RAD54B: variants seen among roughly 807,000 people sequenced by gnomAD.
RAD54B encodes DNA repair and recombination protein RAD54B.
RAD54B carries 78 observed loss-of-function variants against 95.8 expected under a neutral mutation model. The observed-to-expected ratio is 0.81, with a 90% CI of 0.68 to 0.98. The LOEUF (loss-of-function observed/expected upper bound fraction) is 0.98, where lower values mean the gene tolerates loss of function less well. Among genes scored for constraint, RAD54B ranks in the 50% least tolerant of loss-of-function variants. RAD54B has a pLI of 0.00. For missense variants in RAD54B, 957 were observed against 1,056.6 expected, an observed-to-expected ratio of 0.91 and a Z score of 1.31; for synonymous variants, 328 against 354.9, an observed-to-expected ratio of 0.92 and a Z score of 0.85.
At chr8:94,429,327 T>A in intron 3 of RAD54B, 1 of 497,170 alleles carries the variant, frequency 2.0e-6, no homozygotes, top group Non-Finnish European at 2.6e-6. Flanking sequence ...TGTATATACA[T>A]AATTTTTACC....
At chr8:94,387,214 G>C (rs1372239083) in intron 10 of RAD54B, 55 bp from the exon 11 acceptor site, 1 of 1,400,898 alleles carries the variant, frequency 7.1e-7, no homozygotes, top group Non-Finnish European at 9.6e-7. Context: ...TTAATTAGGA[G>C]GGGAAAATGC....
intron 3 of RAD54B, among the ~76,000 whole-genome samples, chr8:94,423,544 T>A (rs1332194267): frequency 6.6e-6 from 1 of 152,188 alleles, no homozygotes; most frequent in Non-Finnish European, 1.5e-5. Context: ...CCAAATGAAG[T>A]TTTACTGAGT....
intron 2 of RAD54B, among the ~76,000 whole-genome samples, chr8:94,461,002 T>C (rs1225095587): frequency 6.6e-6 from 1 of 151,988 alleles, no homozygotes; most frequent in Non-Finnish European, 1.5e-5. Context: ...CAGCAAAGTC[T>C]CTTTTGCCAT....
At chr8:94,467,601 A>T (rs573592195) in intron 1 of RAD54B, 46 bp from the exon 2 acceptor site, 1 of 1,535,754 alleles carries the variant, frequency 6.5e-7, no homozygotes, top group African/African-American at 1.4e-5. Flanking sequence ...TCTAATTACA[A>T]TCACCCCCAA....
At position 94,378,303 on chromosome 8, in the gene RAD54B, T is replaced by A; in HGVS notation, c.2392A>T (p.Thr798Ser). The A allele has an allele frequency of 6.2e-7, 1 of 1,614,026 alleles. No individual in the cohort carries two copies. The highest frequency in any genetic ancestry group is 8.5e-7 in the Non-Finnish European group (1 of 1,179,960). ...ACTGAAAACTGAATATGTTCAGATG[T>A]CTTGGTGAGGTCGACAACTGCCCCA... is the stretch of plus-strand genomic sequence containing the variant. ...LCGAVVDLTK[T>S]SEHIQFSVEE... is the part of the protein sequence containing the mutation. The change falls in exon 14 of 15, where the codon ACA (threonine) becomes TCA (serine). Residue 798 changes from threonine (T) to serine (S), a missense_variant. Physicochemically the swap from Thr to Ser is moderately conservative, Grantham distance 58. Coordinates refer to ENST00000336148, the MANE Select transcript of RAD54B (RefSeq NM_012415.3).
At chr8:94,409,984 TAC>T (rs1395620737) in intron 4 of RAD54B, among the ~76,000 whole-genome samples, 3 of 152,318 alleles carry the variant, frequency 2.0e-5, no homozygotes, top group African/African-American at 7.2e-5. Context: ...CCAATCACTA[TAC>T]ACAGTTGTTC....
Position 94,372,367 on chromosome 8 carries a change from T to A in RAD54B, c.2536A>T (p.Ile846Phe). ...CCAAGCTGACAATCTCTAGAGACAA[T>A]GAATTTTTCCAACGAATCACCTGTA... is the stretch of plus-strand genomic sequence containing the variant. ...VHTGDSLEKF[I>F]VSRDCQLGPH... Residue 846 changes from isoleucine (I) to phenylalanine (F), a missense_variant, in exon 15 of 15, where the codon ATT becomes TTT. Transcript: ENST00000336148. 1.9e-6 allele frequency: 3 copies of A among 1,612,952 alleles called. No homozygotes were observed. Among genetic ancestry groups the A allele is most frequent in the Non-Finnish European group, 2.5e-6 (3 of 1,179,748 alleles).
chr8:94,429,755 T>C, intron 3 of RAD54B: 2 of 983,786 alleles, frequency 2.0e-6, no homozygotes, highest in Non-Finnish European at 2.4e-6. Context: ...GACATCTTTA[T>C]AATTAAAGAA....
At chr8:94,456,683 TAC>T (rs1342023277) in intron 3 of RAD54B, among the ~76,000 whole-genome samples, 1 of 152,168 alleles carries the variant, frequency 6.6e-6, no homozygotes, top group Non-Finnish European at 1.5e-5. Flanking sequence ...AACTGGGACA[TAC>T]AGATTTGTAG....
At position 94,378,207 on chromosome 8, in the gene RAD54B, C is replaced by CA; in HGVS notation, c.2487dup (p.Glu830Ter). 6.2e-7 allele frequency: 1 copy of CA among 1,611,794 alleles called. No individual in the cohort carries two copies. Among genetic ancestry groups the CA allele is most frequent in the Non-Finnish European group, 8.5e-7 (1 of 1,179,258 alleles). ...GTATGAACTTCTTCTCCTGTACACT[C>CA]ACAGTCAAGCAGATCATGAGTAACA... On this transcript the variant is annotated frameshift_variant, in exon 14 of 15. Coordinates refer to ENST00000336148, the MANE Select transcript of RAD54B (RefSeq NM_012415.3). LOFTEE classifies it high-confidence loss of function.
At chr8:94,455,263 G>A (rs1422180760) in intron 3 of RAD54B, among the ~76,000 whole-genome samples, 1 of 152,100 alleles carries the variant, frequency 6.6e-6, no homozygotes, top group Non-Finnish European at 1.5e-5. Flanking sequence ...GCCTCTTTGT[G>A]GCTACTTGAC....
chr8:94,440,183 T>C (rs1033876727), intron 3 of RAD54B, among the ~76,000 whole-genome samples: 9 of 146,062 alleles, frequency 6.2e-5, no homozygotes, highest in African/African-American at 1.8e-4. Context: ...ACCCCTTAGA[T>C]AGGAATTTAG....
chr8:94,452,013 C>T (rs1812666167), intron 3 of RAD54B, among the ~76,000 whole-genome samples: 1 of 152,172 alleles, frequency 6.6e-6, no homozygotes, highest in Admixed American at 6.5e-5. Flanking sequence ...GCTGGGAAGT[C>T]CAAGATTAAG....
At chr8:94,431,848 C>T (rs903604065) in intron 3 of RAD54B, 1 of 1,072,724 alleles carries the variant, frequency 9.3e-7, no homozygotes, top group Non-Finnish European at 1.1e-6. Flanking sequence ...TTTGTATATG[C>T]ATTTGTGTAT....
intron 3 of RAD54B, among the ~76,000 whole-genome samples, chr8:94,450,771 G>A (rs1026278633): frequency 2.0e-5 from 3 of 152,018 alleles, no homozygotes; most frequent in East Asian, 1.9e-4. Context: ...TCCCAGCTAC[G>A]TGGGAGGCTG....
intron 6 of RAD54B, among the ~76,000 whole-genome samples, chr8:94,402,968 G>C (rs1047850278): frequency 2.6e-5 from 4 of 152,138 alleles, no homozygotes; most frequent in Non-Finnish European, 5.9e-5. Context: ...ATGTGAGAGA[G>C]AAGAAATCAA....
At chr8:94,436,705 G>A in intron 3 of RAD54B, 1 of 1,550,614 alleles carries the variant, frequency 6.4e-7, no homozygotes, top group Non-Finnish European at 8.7e-7. Flanking sequence ...TACTCCAATT[G>A]CATTATAGTT....
chr8:94,377,698 C>T (rs1474457221), intron 14 of RAD54B, among the ~76,000 whole-genome samples: 2 of 150,920 alleles, frequency 1.3e-5, no homozygotes, highest in Non-Finnish European at 3.0e-5. Context: ...TCTACTGGGC[C>T]GGGCGCGGTG....
In RAD54B at chr8:94,407,489, C is replaced by A; in HGVS notation, c.731G>T (p.Arg244Ile). The A allele has an allele frequency of 6.2e-7, 1 of 1,613,864 alleles. No homozygotes were observed. Residue 244 changes from arginine (R) to isoleucine (I), a missense_variant, in exon 5 of 15, where the codon AGA becomes ATA. Physicochemically the swap from Arg to Ile is moderately conservative, Grantham distance 97. Coordinates refer to ENST00000336148, the MANE Select transcript of RAD54B (RefSeq NM_012415.3). The stretch of plus-strand genomic sequence containing the variant: ...TTTGCAATTTTGGAAATCATTCTGT[C>A]TATTTTCCTTTGAACTTGGTTTACA... ...SVCKPSSKEN[R>I]QNDFQNCKPR...
Sources: allele counts gnomAD v4.1 joint callset (sites outside exome capture counted in the v4.1 genomes callset), GRCh38; gene constraint gnomAD v4.1.1; transcripts MANE v1.5; gene names NCBI Gene and HGNC (gene_info 2026-07-23, HGNC 2026-07-21).